The following C11orf65 variants were observed in gnomAD, a reference collection of about 807,000 sequenced individuals.
C11orf65 encodes the protein chromosome 11 open reading frame 65, also known as protein MFI.
C11orf65 carries 38 observed loss-of-function variants against 35.3 expected under a neutral mutation model. The ratio of observed to expected loss-of-function variants is 1.08; its 90% CI spans 0.83 to 1.41. The LOEUF (loss-of-function observed/expected upper bound fraction) is 1.41. C11orf65 is among the 40% of genes most tolerant of loss of function. The probability of loss-of-function intolerance (pLI) is 0.00; values close to 1 mark genes in which losing one functional copy is unlikely to be tolerated. For missense variants in C11orf65, 370 were observed against 367.1 expected, an observed-to-expected ratio of 1.01 and a Z score of -0.06; for synonymous variants, 105 against 114.4, an observed-to-expected ratio of 0.92 and a Z score of 0.53.
At position 108,313,130 on chromosome 11, in the gene C11orf65, C is replaced by T. The variant is rs4988073; in HGVS notation, c.641-4059G>A. Among the ~76,000 whole-genome samples, 1,037 of 152,278 alleles carry T rather than the reference C, an allele frequency of 6.8e-3. 16 individuals are homozygous for T. The highest frequency in any genetic ancestry group is 0.023 in the African/African-American group (960 of 41,554). On this transcript the variant is annotated intron_variant, in intron 6 of 6. Transcript: ENST00000525729. ...GGCATCTCCTCCTTTAATAATCTTC[C>T]GTCATGTTACAGAAACAGTTTATCC... is the stretch of plus-strand genomic sequence containing the variant.
intron 2 of C11orf65, among the ~76,000 whole-genome samples, chr11:108,460,509 T>A (rs2093460504): frequency 1.3e-5 from 2 of 152,196 alleles, no homozygotes; most frequent in African/African-American, 4.8e-5. Context: ...AAGTACTCAA[T>A]AAATATTTAA....
intron 2 of C11orf65, among the ~76,000 whole-genome samples, chr11:108,450,739 C>A (rs931999960): frequency 6.6e-6 from 1 of 151,424 alleles, no homozygotes; most frequent in African/African-American, 2.4e-5. Context: ...GAAACCTGCA[C>A]ATTGTGCACA....
chr11:108,459,535 T>C (rs1034635693), intron 2 of C11orf65, among the ~76,000 whole-genome samples: 7 of 152,210 alleles, frequency 4.6e-5, no homozygotes, highest in Admixed American at 4.6e-4. Context: ...GGAACCCCTA[T>C]GAAATGTGTC....
intron 6 of C11orf65, among the ~76,000 whole-genome samples, chr11:108,316,457 T>C (rs975030762): frequency 1.1e-4 from 17 of 152,314 alleles, no homozygotes; most frequent in Admixed American, 3.3e-4. Flanking sequence ...GAAAATCTTA[T>C]GTAAACTATT....
chr11:108,391,321 T>C (rs1244322418), intron 7 of C11orf65, among the ~76,000 whole-genome samples: 1 of 152,224 alleles, frequency 6.6e-6, no homozygotes, highest in Non-Finnish European at 1.5e-5. Context: ...ATTTAAAGTA[T>C]AGTATCCAGT....
chr11:108,333,458 T>C (rs2086498209), intron 3 of C11orf65, among the ~76,000 whole-genome samples: 1 of 152,242 alleles, frequency 6.6e-6, no homozygotes, highest in Non-Finnish European at 1.5e-5. Flanking sequence ...CAGAATCATA[T>C]CTTCAAGTTT....
At chr11:108,445,857 G>T (rs1344049281) in intron 2 of C11orf65, among the ~76,000 whole-genome samples, 4 of 151,980 alleles carry the variant, frequency 2.6e-5, no homozygotes, top group Non-Finnish European at 4.4e-5. Context: ...CAATGGCAAA[G>T]AAGTTAAAAA....
chr11:108,313,860 G>A (rs1019419639), intron 6 of C11orf65, among the ~76,000 whole-genome samples: 1 of 152,202 alleles, frequency 6.6e-6, no homozygotes, highest in Non-Finnish European at 1.5e-5. Flanking sequence ...ATGCAGTATA[G>A]TTCCTAGTTT....
chr11:108,329,297 T>C (rs555937487), downstream of C11orf65: 2 of 1,457,658 alleles, frequency 1.4e-6, no homozygotes, highest in Admixed American at 1.8e-5. Context: ...GTGAGTGTTT[T>C]TGCATAGAAA....
At chr11:108,316,347 G>T (rs1039522472) in intron 6 of C11orf65, among the ~76,000 whole-genome samples, 1 of 152,160 alleles carries the variant, frequency 6.6e-6, no homozygotes, top group African/African-American at 2.4e-5. Context: ...TGACCTAAAA[G>T]ATAGTGTAGA....
At chr11:108,356,740 T>G (rs1319048050) in intron 2 of C11orf65, among the ~76,000 whole-genome samples, 2 of 152,116 alleles carry the variant, frequency 1.3e-5, no homozygotes, top group East Asian at 1.9e-4. Flanking sequence ...CTCAGAAATC[T>G]TACTAGTTTA....
At chr11:108,339,408 A>C (rs1330285785) in intron 2 of C11orf65, among the ~76,000 whole-genome samples, 1 of 152,122 alleles carries the variant, frequency 6.6e-6, no homozygotes, top group African/African-American at 2.4e-5. Flanking sequence ...TGGGGAGAGA[A>C]GCCATAATAT....
intron 2 of C11orf65, among the ~76,000 whole-genome samples, chr11:108,357,152 GT>G (rs1169387822): frequency 6.6e-6 from 1 of 152,236 alleles, no homozygotes; most frequent in Non-Finnish European, 1.5e-5. Context: ...GGGTCAGGGA[GT>G]TCCCTTTCCT....
chr11:108,411,176 C>T (rs2884030), intron 3 of C11orf65, among the ~76,000 whole-genome samples: 81,607 of 152,000 alleles, frequency 0.54, 22,509 homozygotes, highest in Middle Eastern at 0.74. Context: ...TTTGATGTCA[C>T]ATTTTCATTA....
downstream of C11orf65, among the ~76,000 whole-genome samples, chr11:108,382,011 C>G (rs1007935343): frequency 6.6e-6 from 1 of 152,108 alleles, no homozygotes. Flanking sequence ...ATGGGGAGGT[C>G]TAAGTATCAA....
At chr11:108,334,535 GTCTT>G (rs71539641) in intron 3 of C11orf65, among the ~76,000 whole-genome samples, 3,735 of 152,208 alleles carry the variant, frequency 0.025, 57 homozygotes, top group Non-Finnish European at 0.038. Flanking sequence ...TAAATACATT[GTCTT>G]TCTTTTCATT....
chr11:108,334,872 C>T, intron 3 of C11orf65: 1 of 1,399,328 alleles, frequency 7.1e-7, no homozygotes, highest in Non-Finnish European at 1.0e-6. Context: ...TCATTTGTTT[C>T]TCTGTTTAAT....
At chr11:108,412,235 T>C (rs2092670498) in intron 3 of C11orf65, among the ~76,000 whole-genome samples, 1 of 151,842 alleles carries the variant, frequency 6.6e-6, no homozygotes, top group Non-Finnish European at 1.5e-5. Flanking sequence ...TCTATTTACA[T>C]GTAAAACATA....
intron 2 of C11orf65, among the ~76,000 whole-genome samples, chr11:108,363,044 T>C (rs1327581972): frequency 2.0e-5 from 3 of 152,152 alleles, no homozygotes; most frequent in Admixed American, 6.5e-5. Flanking sequence ...CTACCTAATC[T>C]TCCCTCCGTA....
Sources: gnomAD v4.1 joint callset for allele counts (sites outside exome capture counted in the v4.1 genomes callset) on GRCh38, gnomAD v4.1.1 for gene constraint, MANE v1.5 for transcripts, NCBI Gene and HGNC (gene_info 2026-07-23, HGNC 2026-07-21) for gene names.